OVCH1: variants seen among roughly 807,000 people sequenced by gnomAD.
OVCH1 encodes the protein ovochymase-1.
A neutral mutation model predicts 138.4 loss-of-function variants in OVCH1; 139 were observed. That is an observed-to-expected ratio of 1.00 (90% confidence interval 0.87 to 1.16). The LOEUF (loss-of-function observed/expected upper bound fraction) is 1.16. OVCH1 is among the 50% of genes most tolerant of loss of function. OVCH1 has a pLI of 0.00. For synonymous variants in OVCH1, 453 were observed against 467.8 expected, an observed-to-expected ratio of 0.97 and a Z score of 0.41; for missense variants, 1,367 against 1,357.9, an observed-to-expected ratio of 1.01 and a Z score of -0.11.
the OVCH1 span, among the ~76,000 whole-genome samples, chr12:29,402,357 C>A: frequency 6.6e-6 from 1 of 152,116 alleles, no homozygotes; most frequent in Non-Finnish European, 1.5e-5. Context: ...AAAGCAGAAC[C>A]TTTAGACCAA....
chr12:29,497,442 G>A (rs112315016), intron 1 of OVCH1, among the ~76,000 whole-genome samples, 181 bp downstream of exon 1: 1,526 of 152,262 alleles, frequency 0.01, 30 homozygotes, highest in African/African-American at 0.035. Context: ...CAAAAAGGCA[G>A]TCTGGCCCAG....
chr12:29,458,867 G>A (rs1942038463), intron 19 of OVCH1, among the ~76,000 whole-genome samples: 1 of 152,074 alleles, frequency 6.6e-6, no homozygotes, highest in Non-Finnish European at 1.5e-5. Context: ...CATACAAATG[G>A]CAAACAGGTA....
intron 1 of OVCH1, 97 bp from the exon 2 acceptor site, chr12:29,496,771 A>G (rs1391477599): frequency 4.8e-6 from 4 of 825,252 alleles, no homozygotes; most frequent in Non-Finnish European, 5.8e-6. Flanking sequence ...CCTGGCACAG[A>G]CATTCTGATA....
intron 22 of OVCH1, among the ~76,000 whole-genome samples, chr12:29,448,750 A>G (rs970056460): frequency 2.0e-5 from 3 of 152,170 alleles, no homozygotes; most frequent in East Asian, 3.9e-4. Flanking sequence ...TTCTTTAAGC[A>G]AACATTTTTG....
At chr12:29,433,642 G>T (rs936172922) in intron 27 of OVCH1, 20 of 1,169,736 alleles carry the variant, frequency 1.7e-5, no homozygotes, top group Non-Finnish European at 1.1e-6. Context: ...TCATTTCTTT[G>T]AATAGTGCCT....
intron 27 of OVCH1, among the ~76,000 whole-genome samples, chr12:29,431,365 G>A (rs1047606087): frequency 6.6e-6 from 1 of 152,040 alleles, no homozygotes; most frequent in Non-Finnish European, 1.5e-5. Flanking sequence ...TTGAGCCTGG[G>A]AGGTTGAAGC....
chr12:29,433,305 G>A (rs1941302303), intron 27 of OVCH1, among the ~76,000 whole-genome samples: 1 of 152,124 alleles, frequency 6.6e-6, no homozygotes, highest in African/African-American at 2.4e-5. Context: ...TCGTGATTAT[G>A]AATAAGTCTC....
downstream of OVCH1, among the ~76,000 whole-genome samples, chr12:29,427,272 C>T (rs565878111): frequency 3.9e-5 from 6 of 152,222 alleles, no homozygotes; most frequent in East Asian, 5.8e-4. Context: ...CAAATATTTT[C>T]TGTCAAGCAG....
chr12:29,475,307 G>A (rs1942667206), intron 13 of OVCH1, 118 bp from the exon 14 acceptor site: 1 of 729,822 alleles, frequency 1.4e-6, no homozygotes, highest in Non-Finnish European at 2.1e-6. Context: ...ACTTTGATTT[G>A]TATGCACCCT....
chr12:29,412,617 T>G (rs1422595459), intron 4 of OVCH1: 1 of 152,220 alleles, frequency 6.6e-6, no homozygotes, highest in Non-Finnish European at 1.5e-5. Flanking sequence ...GAGGAGGTGG[T>G]ACATATACTC....
intron 27 of OVCH1, chr12:29,433,619 C>T (rs941734661): frequency 2.1e-6 from 2 of 962,236 alleles, no homozygotes; most frequent in Non-Finnish European, 2.9e-6. Context: ...CTGTCTTGTT[C>T]ATTGCTCAAT....
chr12:29,465,486 A>G (rs1180091484), intron 16 of OVCH1, among the ~76,000 whole-genome samples: 4 of 152,060 alleles, frequency 2.6e-5, no homozygotes, highest in Non-Finnish European at 4.4e-5. Context: ...GAAGCCACAC[A>G]CTTTTGAACC....
intron 26 of OVCH1, among the ~76,000 whole-genome samples, chr12:29,436,829 A>T (rs1308777656): frequency 6.9e-6 from 1 of 145,178 alleles, no homozygotes; most frequent in Non-Finnish European, 1.5e-5. Flanking sequence ...GTTACAGCTC[A>T]TAGAGGTAGT....
Position 29,455,121 on chromosome 12 carries a change from G to C in OVCH1, c.2437+128C>G, listed in dbSNP as rs934421330. ...TTTGCAGAATCTTGCATTTTAGTGT[G>C]TTTAGTAACTAAATGAAATTCTACT... On this transcript the variant is annotated intron_variant, in intron 20 of 27. Transcript: ENST00000318184. The C allele has an allele frequency of 2.0e-5, 24 of 1,228,968 alleles. No homozygotes were observed. In the African/African-American group the frequency reaches 3.4e-4, roughly 17 times the overall value. 76.1% of individuals were successfully genotyped at this position (1,228,968 alleles called of 1,614,324 possible).
chr12:29,416,587 A>G (rs948625703), intron 3 of OVCH1, among the ~76,000 whole-genome samples: 6 of 152,220 alleles, frequency 3.9e-5, no homozygotes, highest in African/African-American at 9.7e-5. Context: ...GGCAAATACA[A>G]TAAGATATCA....
exon 18 of OVCH1, chr12:29,464,556 T>C (rs778323105): frequency 5.0e-6 from 8 of 1,613,398 alleles, no homozygotes; most frequent in East Asian, 2.2e-5. Flanking sequence ...CCGAGGAAAA[T>C]AGAGGCTCTG....
intron 4 of OVCH1, among the ~76,000 whole-genome samples, chr12:29,494,348 T>TA (rs34374384): frequency 3.3e-5 from 5 of 151,712 alleles, no homozygotes; most frequent in East Asian, 1.9e-4. Context: ...TTCTTGCATT[T>TA]AAAAAAAAGG....
rs72640149 is a variant in OVCH1, at chr12:29,493,557, G to A, written c.454+1728C>T. ...CACTCTATCTTCTCTGTCTCTTATC[G>A]TCACTGTCTTCTCCGGGTAATTATT... is the stretch of plus-strand genomic sequence containing the variant. On this transcript the variant is annotated intron_variant, in intron 4 of 27. Coordinates refer to ENST00000318184, the Ensembl canonical transcript of OVCH1. Among the ~76,000 whole-genome samples, 1,899 of 151,998 alleles carry A rather than the reference G, an allele frequency of 0.012. 112 individuals carry two copies. The East Asian group carries it at 0.18, about 14-fold the overall frequency.
At chr12:29,439,995 C>G (rs189118114) in intron 25 of OVCH1, among the ~76,000 whole-genome samples, 4 of 152,272 alleles carry the variant, frequency 2.6e-5, no homozygotes, top group East Asian at 3.9e-4. Context: ...GTGTGTTCAC[C>G]AACCCAACTT....
Sources: gnomAD v4.1 joint callset for allele counts (sites outside exome capture counted in the v4.1 genomes callset) on GRCh38, gnomAD v4.1.1 for gene constraint, MANE v1.5 for transcripts, NCBI Gene and HGNC (gene_info 2026-07-23, HGNC 2026-07-21) for gene names.